The following HRH1 variants were observed in gnomAD, a reference collection of about 807,000 sequenced individuals.
The protein encoded by HRH1 is histamine receptor H1, also known as histamine H1 receptor.
HRH1 carries 6 observed loss-of-function variants against 10.3 expected under a neutral mutation model. That is an observed-to-expected ratio of 0.58 (90% confidence interval 0.32 to 1.15). HRH1 has a LOEUF of 1.15. HRH1 is among the 50% of genes most tolerant of loss of function. The pLI, the probability that HRH1 is intolerant of heterozygous loss-of-function variation, is 0.05. For synonymous variants in HRH1, 242 were observed against 236.7 expected, an observed-to-expected ratio of 1.02 and a Z score of -0.21; for missense variants, 514 against 615.3, an observed-to-expected ratio of 0.84 and a Z score of 1.74.
At chr3:11,218,411 G>A (rs896282870) in intron 1 of HRH1, among the ~76,000 whole-genome samples, 65 of 142,094 alleles carry the variant, frequency 4.6e-4, no homozygotes, top group African/African-American at 1.6e-3. Flanking sequence ...TTGTGCTACC[G>A]CACTCCAACC....
At chr3:11,258,191 T>C (rs1448449464) in intron 1 of HRH1, among the ~76,000 whole-genome samples, 4 of 149,320 alleles carry the variant, frequency 2.7e-5, no homozygotes, top group Non-Finnish European at 5.9e-5. Context: ...TCCATATCAT[T>C]TAGGGATGGT....
chr3:11,157,280 T>A (rs1936828548), intron 1 of HRH1, among the ~76,000 whole-genome samples: 1 of 152,042 alleles, frequency 6.6e-6, no homozygotes, highest in Admixed American at 6.6e-5. Flanking sequence ...AGGATGGAAA[T>A]GTGGAGAAAA....
At chr3:11,140,581 A>C (rs1306194424) in intron 1 of HRH1, among the ~76,000 whole-genome samples, 3 of 151,988 alleles carry the variant, frequency 2.0e-5, no homozygotes, top group African/African-American at 7.3e-5. Flanking sequence ...CCACTTCCCC[A>C]TTCTCAGAAC....
Position 11,243,997 on chromosome 3 carries a change from C to T in HRH1, c.-35-15006C>T, listed in dbSNP as rs568900109. Reference sequence around the variant, plus strand: ...GTGTATCAATTAGGATTCGAGTTGGCTGTATGTGATAGAAAACACTAGCTA... The same window carrying T: ...GTGTATCAATTAGGATTCGAGTTGGTTGTATGTGATAGAAAACACTAGCTA... On this transcript the variant is annotated intron_variant, in intron 1 of 1. Transcript: ENST00000431010. 6.6e-5 allele frequency among the ~76,000 whole-genome samples: 10 copies of T among 152,310 alleles called. No homozygotes were observed. The South Asian group carries it at 2.1e-3, about 32-fold the overall frequency.
intron 1 of HRH1, among the ~76,000 whole-genome samples, chr3:11,253,478 G>A (rs901520533): frequency 1.3e-5 from 2 of 152,156 alleles, no homozygotes; most frequent in East Asian, 1.9e-4. Context: ...TTCCTTGTCC[G>A]AGGGGGTCTT....
At chr3:11,210,428 C>T (rs551428640) in intron 1 of HRH1, among the ~76,000 whole-genome samples, 10 of 152,012 alleles carry the variant, frequency 6.6e-5, no homozygotes, top group East Asian at 3.9e-4. Context: ...TTAATAATCC[C>T]GACCTTGCAA....
At chr3:11,204,802 A>G (rs1321733868) in intron 1 of HRH1, among the ~76,000 whole-genome samples, 1 of 152,210 alleles carries the variant, frequency 6.6e-6, no homozygotes, top group Non-Finnish European at 1.5e-5. Flanking sequence ...CAGGCTTCCC[A>G]AAGCTTGATT....
intron 1 of HRH1, among the ~76,000 whole-genome samples, chr3:11,219,489 G>A (rs554443667): frequency 8.6e-5 from 13 of 151,994 alleles, no homozygotes; most frequent in African/African-American, 2.4e-4. Flanking sequence ...CGAGGCGGGC[G>A]GAGCACGAGG....
At chr3:11,221,762 G>A (rs574504834) in intron 1 of HRH1, among the ~76,000 whole-genome samples, 9 of 151,966 alleles carry the variant, frequency 5.9e-5, no homozygotes, top group African/African-American at 1.9e-4. Flanking sequence ...CCTCCTTCCC[G>A]CAGCCCCCGG....
At chr3:11,237,799 C>A (rs1939227654) in intron 1 of HRH1, among the ~76,000 whole-genome samples, 1 of 151,060 alleles carries the variant, frequency 6.6e-6, no homozygotes, top group South Asian at 2.1e-4. Flanking sequence ...CCTCAGCCTC[C>A]CGAGTAGCTG....
intron 1 of HRH1, among the ~76,000 whole-genome samples, chr3:11,228,355 T>G (rs531308718): frequency 7.9e-5 from 12 of 152,278 alleles, no homozygotes; most frequent in Admixed American, 7.2e-4. Context: ...CACTCCAGCC[T>G]GGGCAACAGA....
intron 1 of HRH1, among the ~76,000 whole-genome samples, chr3:11,210,819 G>A (rs898113478): frequency 6.7e-6 from 1 of 149,968 alleles, no homozygotes; most frequent in South Asian, 2.1e-4. Flanking sequence ...AAAAGCAGCT[G>A]TTGTTATTTT....
intron 1 of HRH1, among the ~76,000 whole-genome samples, chr3:11,181,080 C>T (rs1279400884): frequency 6.6e-6 from 1 of 151,638 alleles, no homozygotes; most frequent in Non-Finnish European, 1.5e-5. Flanking sequence ...CCCAGGAGTT[C>T]AAGACCAGCC....
intron 1 of HRH1, among the ~76,000 whole-genome samples, chr3:11,256,785 G>A (rs1022970161): frequency 1.2e-4 from 18 of 152,176 alleles, no homozygotes; most frequent in Middle Eastern, 3.4e-3. Flanking sequence ...GCGACAGAGC[G>A]AGACTCCGTC....
At chr3:11,242,267 G>C (rs1209887132) in intron 1 of HRH1, among the ~76,000 whole-genome samples, 1 of 152,044 alleles carries the variant, frequency 6.6e-6, no homozygotes, top group African/African-American at 2.4e-5. Context: ...GGATCAGGAG[G>C]TCAGGAGATC....
rs552948330 is a variant in HRH1 at position 11,189,210 on chromosome 3, A to G, written c.-36+34656A>G. Among the ~76,000 whole-genome samples, 89 of 152,240 alleles carry G rather than the reference A, an allele frequency of 5.8e-4. 3 individuals carry two copies. In the South Asian group the frequency reaches 0.016, roughly 27 times the overall value. On this transcript the variant is annotated intron_variant, in intron 1 of 1. Transcript: ENST00000431010. ...CAACCCCAGATTTCTGCATCCTCAG[A>G]CTAATGTATTACCCTTCCGAGTCCA... is the stretch of plus-strand genomic sequence containing the variant.
At chr3:11,250,167 C>T (rs1239710744) in intron 1 of HRH1, among the ~76,000 whole-genome samples, 2 of 149,266 alleles carry the variant, frequency 1.3e-5, no homozygotes, top group Admixed American at 6.7e-5. Flanking sequence ...CTCAGCCTCC[C>T]GAGTAGCTGG....
intron 1 of HRH1, among the ~76,000 whole-genome samples, chr3:11,186,034 C>G (rs778288138): frequency 6.6e-6 from 1 of 152,100 alleles, no homozygotes; most frequent in Non-Finnish European, 1.5e-5. Context: ...CCTGCTCTGC[C>G]GAGAATTCCC....
intron 1 of HRH1, among the ~76,000 whole-genome samples, chr3:11,172,531 A>G (rs1937170697): frequency 6.6e-6 from 1 of 152,092 alleles, no homozygotes; most frequent in South Asian, 2.1e-4. Flanking sequence ...ATCTATTTAG[A>G]TCTGAACAAT....
Sources: gnomAD v4.1 joint callset for allele counts (sites outside exome capture counted in the v4.1 genomes callset) on GRCh38, gnomAD v4.1.1 for gene constraint, MANE v1.5 for transcripts, NCBI Gene and HGNC (gene_info 2026-07-23, HGNC 2026-07-21) for gene names.